The following MGST1 variants were observed in gnomAD, a reference collection of about 807,000 sequenced individuals.
The protein encoded by MGST1 is glutathione S-transferase 12.
In MGST1, 5 loss-of-function variants were observed where a neutral mutation model predicts 8.9. The ratio of observed to expected loss-of-function variants is 0.56; its 90% CI spans 0.29 to 1.19. The LOEUF (loss-of-function observed/expected upper bound fraction) is 1.19, where lower values mean the gene tolerates loss of function less well. Among genes scored for constraint, MGST1 ranks in the 50% most tolerant of loss-of-function variants. The pLI is 0.08. For missense variants in MGST1, 182 were observed against 187.4 expected, an observed-to-expected ratio of 0.97 and a Z score of 0.17; for synonymous variants, 54 against 67.8, an observed-to-expected ratio of 0.80 and a Z score of 1.00.
intron 4 of MGST1, among the ~76,000 whole-genome samples, chr12:16,525,084 G>C (rs1941674799): frequency 2.0e-5 from 3 of 151,756 alleles, no homozygotes; most frequent in Admixed American, 6.6e-5. Flanking sequence ...TTCCTGATGT[G>C]AAATAGAATA....
chr12:16,488,787 C>T (rs1162251792), intron 4 of MGST1, among the ~76,000 whole-genome samples: 1 of 151,816 alleles, frequency 6.6e-6, no homozygotes, highest in Non-Finnish European at 1.5e-5. Context: ...TTTTTTTAAT[C>T]ACTATTTCTC....
intron 4 of MGST1, among the ~76,000 whole-genome samples, chr12:16,539,774 C>T (rs1461062989): frequency 6.6e-6 from 1 of 152,174 alleles, no homozygotes; most frequent in African/African-American, 2.4e-5. Context: ...TTGTTTTCCA[C>T]TTATATGGAG....
Position 16,564,261 on chromosome 12 carries a change from A to G in MGST1, n.483-25267A>G, listed in dbSNP as rs1268325328. Among the ~76,000 whole-genome samples, 77 of 152,192 alleles carry G rather than the reference A, an allele frequency of 5.1e-4. 1 individual carries two copies. Among genetic ancestry groups the G allele is most frequent in the Admixed American group, 5.0e-3 (77 of 15,282 alleles). ...TTACACCTGCCACACTGTAGTGAGC[A>G]TGCACAGAGAAATATTTAATAACTT... On this transcript the variant is annotated intron_variant and non_coding_transcript_variant, in intron 4 of 4. Coordinates refer to the MGST1 transcript ENST00000538857.
intron 1 of MGST1, among the ~76,000 whole-genome samples, chr12:16,352,442 A>C (rs7307751): frequency 0.028 from 4,327 of 152,314 alleles, 225 homozygotes; most frequent in African/African-American, 0.099. Context: ...ACAGTACTAC[A>C]TGCCAAGCAG....
chr12:16,406,779 A>T (rs945343475), intron 1 of MGST1, among the ~76,000 whole-genome samples: 2 of 152,204 alleles, frequency 1.3e-5, no homozygotes, highest in African/African-American at 4.8e-5. Flanking sequence ...GATCTCTGAC[A>T]AAGCTGACAA....
intron 4 of MGST1, among the ~76,000 whole-genome samples, chr12:16,540,016 C>A (rs1941783392): frequency 6.6e-6 from 1 of 152,142 alleles, no homozygotes; most frequent in Admixed American, 6.5e-5. Context: ...CCACTGGAAG[C>A]ACCATTTTTT....
chr12:16,454,087 C>A lies in MGST1; in HGVS notation n.482+70483C>A, dbSNP rs574154321. 4.6e-5 allele frequency among the ~76,000 whole-genome samples: 7 copies of A among 151,988 alleles called. No individual in the cohort carries two copies. In the South Asian group the frequency reaches 1.4e-3, roughly 31 times the overall value. On this transcript the variant is annotated intron_variant and non_coding_transcript_variant, in intron 4 of 4. Coordinates refer to the MGST1 transcript ENST00000538857. ...ATACGACTTTCAAATGGGAATGCCC[C>A]GGCCCAGAGGAATCAGGTGACTTAC...
At chr12:16,478,352 C>A (rs1941338470) in intron 4 of MGST1, among the ~76,000 whole-genome samples, 1 of 151,994 alleles carries the variant, frequency 6.6e-6, no homozygotes, top group African/African-American at 2.4e-5. Context: ...TTAGAGCCTC[C>A]CTCTCCTCTC....
chr12:16,504,106 T>C (rs1348634651), intron 4 of MGST1, among the ~76,000 whole-genome samples: 1 of 152,200 alleles, frequency 6.6e-6, no homozygotes, highest in Non-Finnish European at 1.5e-5. Context: ...TAAGCACTGC[T>C]GCTGCCTGCC....
At chr12:16,507,539 G>A (rs545605410) in intron 4 of MGST1, among the ~76,000 whole-genome samples, 42 of 152,254 alleles carry the variant, frequency 2.8e-4, no homozygotes, top group African/African-American at 1.0e-3. Context: ...TTCTCACACT[G>A]CTATAAAGAA....
intron 4 of MGST1, among the ~76,000 whole-genome samples, chr12:16,481,217 G>A (rs1406987980): frequency 6.6e-6 from 1 of 152,124 alleles, no homozygotes; most frequent in Non-Finnish European, 1.5e-5. Flanking sequence ...CCAATTTTCA[G>A]TATCTACATG....
At chr12:16,485,793 T>TA (rs1381821434) in intron 4 of MGST1, among the ~76,000 whole-genome samples, 1 of 152,208 alleles carries the variant, frequency 6.6e-6, no homozygotes, top group African/African-American at 2.4e-5. Flanking sequence ...CCCAAGTACT[T>TA]ACATTAGTCA....
Position 16,408,871 on chromosome 12 carries a change from A to G in MGST1, n.778+25267A>G, listed in dbSNP as rs1353188124. 3.3e-5 allele frequency among the ~76,000 whole-genome samples: 5 copies of G among 152,144 alleles called. No individual in the cohort carries two copies. The East Asian group carries it at 9.6e-4, about 29-fold the overall frequency. ...ATTTCTTTTGAACTATCTCCAATTC[A>G]CAAATTCTCTTTTTAGTTGAGTCTA... is the stretch of plus-strand genomic sequence containing the variant. On this transcript the variant is annotated intron_variant and non_coding_transcript_variant, in intron 1 of 1. Coordinates refer to the MGST1 transcript ENST00000359720.
chr12:16,463,888 C>T (rs1029154672), intron 4 of MGST1, among the ~76,000 whole-genome samples: 16 of 152,220 alleles, frequency 1.1e-4, no homozygotes, highest in Admixed American at 9.2e-4. Context: ...ACGTTAAATG[C>T]TTTTTCGAAT....
rs1177093966 is a variant in MGST1 at position 16,401,067 on chromosome 12, T to C, written n.778+17463T>C. 1 of 1,593,734 alleles carries C rather than the reference T, an allele frequency of 6.3e-7. No individual in the cohort carries two copies. ...TAAGTAATGCTGCCCGAGAACCTCT[T>C]CCCAAAAGGTCCTCTGCCTCATCTT... On this transcript the variant is annotated intron_variant and non_coding_transcript_variant, in intron 1 of 1. Coordinates refer to the MGST1 transcript ENST00000359720. The surrounding 1 kb of genome is among the most constrained non-coding windows in gnomAD (Gnocchi z 4.3).
At chr12:16,406,265 C>G (rs1940697248) in intron 1 of MGST1, among the ~76,000 whole-genome samples, 1 of 152,098 alleles carries the variant, frequency 6.6e-6, no homozygotes, top group Non-Finnish European at 1.5e-5. Flanking sequence ...TCCTATAAAC[C>G]AATAACAGCC....
chr12:16,502,757 A>T (rs948052778), intron 4 of MGST1, among the ~76,000 whole-genome samples: 9 of 152,186 alleles, frequency 5.9e-5, no homozygotes, highest in Admixed American at 3.9e-4. Context: ...CCTCCCACAT[A>T]TGTTACACTA....
At position 16,555,537 on chromosome 12, in the gene MGST1, C is replaced by T. The variant is rs1942161104; in HGVS notation, n.483-33991C>T. On this transcript the variant is annotated intron_variant and non_coding_transcript_variant, in intron 4 of 4. Transcript: ENST00000538857. This position sits in a 1 kb window ranked among gnomAD's most constrained non-coding sequence, Gnocchi z 5.5. ...AAAATTGGTTAAGGTAGATTTATTC[C>T]AGAAACCAACAGCTTTAAATAACAA... Among the ~76,000 whole-genome samples, 1 of 152,204 alleles carries T rather than the reference C, an allele frequency of 6.6e-6. No homozygotes were observed. Among genetic ancestry groups the T allele is most frequent in the South Asian group, 2.1e-4 (1 of 4,826 alleles).
rs1183659813 is a variant in MGST1 at position 16,500,508 on chromosome 12, CA to C, written n.483-89016del. 6.6e-6 allele frequency among the ~76,000 whole-genome samples: 1 copy of C among 152,150 alleles called. No homozygotes were observed. The highest frequency in any genetic ancestry group is 2.4e-5 in the African/African-American group (1 of 41,426). ...TATTTCATTTTGTAAAGTTTCATTT[CA>C]AAACGGAAAAGATACTTATTTTGTG... On this transcript the variant is annotated intron_variant and non_coding_transcript_variant, in intron 4 of 4. Transcript: ENST00000538857. The surrounding 1 kb of genome is among the most constrained non-coding windows in gnomAD (Gnocchi z 4.3).
Sources: gnomAD v4.1 joint callset for allele counts (sites outside exome capture counted in the v4.1 genomes callset) on GRCh38, gnomAD v4.1.1 for gene constraint, Gnocchi (gnomAD v3.1) non-coding constraint, MANE v1.5 for transcripts, NCBI Gene and HGNC (gene_info 2026-07-23, HGNC 2026-07-21) for gene names.